The following PGPEP1L variants were observed in gnomAD, a reference collection of about 807,000 sequenced individuals.
PGPEP1L encodes the protein pyroglutamyl-peptidase I like.
In PGPEP1L, 7 loss-of-function variants were observed where a neutral mutation model predicts 6.0. The observed-to-expected ratio is 1.17, with a 90% confidence interval of 0.66 to 2.19. PGPEP1L has a LOEUF of 2.19. PGPEP1L is among the 30% of genes most tolerant of loss of function. The probability of loss-of-function intolerance (pLI) is 0.00; values close to 1 mark genes in which losing one functional copy is unlikely to be tolerated. For synonymous variants in PGPEP1L, 103 were observed against 83.9 expected (o/e 1.23, Z -1.24); for missense variants, 209 against 192.5 (o/e 1.09, Z -0.51).
At chr15:99,000,972 C>T (rs1285910989) in intron 2 of PGPEP1L, among the ~76,000 whole-genome samples, 1 of 152,158 alleles carries the variant, frequency 6.6e-6, no homozygotes, top group Non-Finnish European at 1.5e-5. Context: ...TCTCCAGTTT[C>T]ACTCCTGAAA....
At position 98,969,586 on chromosome 15, in the gene PGPEP1L, G is replaced by T. The variant is rs1555469977; in HGVS notation, c.48C>A (p.Asn16Lys). ...GGATGTCGGCGTCCCGGTAGCCTTG[G>T]TTCTTGCCAGACTGTTCCAGAATGA... The part of the protein sequence containing the change: ...KAIILEQSGK[N>K]QGYRDADIRS... The change falls in exon 4 of 5, where the codon AAC becomes AAA. Residue 16 changes from asparagine (N) to lysine (K), a missense_variant. Physicochemically the swap from Asn to Lys is moderately conservative, Grantham distance 94. Coordinates refer to ENST00000535714, the MANE Select transcript of PGPEP1L (RefSeq NM_001167902.2). 6.2e-7 allele frequency: 1 copy of T among 1,613,790 alleles called. No individual in the cohort carries two copies. The highest frequency in any genetic ancestry group is 8.5e-7 in the Non-Finnish European group (1 of 1,179,904).
At chr15:98,979,986 G>C (rs979782259) in intron 2 of PGPEP1L, among the ~76,000 whole-genome samples, 1 of 152,126 alleles carries the variant, frequency 6.6e-6, no homozygotes, top group African/African-American at 2.4e-5. Context: ...TAAGCTATGA[G>C]GATGCAAAGG....
At chr15:99,003,677 C>G (rs1231505128) in intron 2 of PGPEP1L, among the ~76,000 whole-genome samples, 1 of 149,924 alleles carries the variant, frequency 6.7e-6, no homozygotes, top group Non-Finnish European at 1.5e-5. Flanking sequence ...ATTTCTAACA[C>G]AGGAAGGCCA....
chr15:98,974,390 A>T (rs35025302), intron 2 of PGPEP1L, among the ~76,000 whole-genome samples: 34,841 of 151,776 alleles, frequency 0.23, 5,247 homozygotes, highest in Non-Finnish European at 0.35. Flanking sequence ...AAAAAAAATA[A>T]AAATAAAAAT....
chr15:98,998,523 T>C (rs1555472687), intron 2 of PGPEP1L, among the ~76,000 whole-genome samples: 2 of 152,166 alleles, frequency 1.3e-5, no homozygotes, highest in Admixed American at 6.5e-5. Context: ...CAATTGTTTG[T>C]TGACATAGGT....
intron 2 of PGPEP1L, among the ~76,000 whole-genome samples, chr15:98,987,459 A>C (rs1438345551): frequency 1.3e-5 from 2 of 150,006 alleles, no homozygotes; most frequent in African/African-American, 4.9e-5. Flanking sequence ...CCAGGACAGA[A>C]GTAAAGCCTG....
intron 2 of PGPEP1L, among the ~76,000 whole-genome samples, chr15:98,999,949 C>T (rs782621395): frequency 6.6e-6 from 1 of 152,252 alleles, no homozygotes; most frequent in Non-Finnish European, 1.5e-5. Flanking sequence ...ACTTTGGTGA[C>T]ACTTGAGGAG....
intron 2 of PGPEP1L, among the ~76,000 whole-genome samples, chr15:98,976,314 T>C (rs2017569168): frequency 1.3e-5 from 2 of 152,220 alleles, no homozygotes; most frequent in African/African-American, 4.8e-5. Context: ...ACTAAAAAGT[T>C]TGCTCTGAAC....
intron 2 of PGPEP1L, among the ~76,000 whole-genome samples, chr15:98,988,120 C>T (rs535441621): frequency 6.6e-6 from 1 of 152,230 alleles, no homozygotes; most frequent in Non-Finnish European, 1.5e-5. Flanking sequence ...CCAGTGGCAC[C>T]TGCAACACCA....
chr15:98,989,401 CAATG>C (rs548936483), intron 2 of PGPEP1L, among the ~76,000 whole-genome samples: 60 of 152,110 alleles, frequency 3.9e-4, no homozygotes, highest in African/African-American at 1.4e-3. Context: ...AAGATCAACT[CAATG>C]AAATAAAGTG....
intron 2 of PGPEP1L, among the ~76,000 whole-genome samples, chr15:98,973,934 G>A (rs1033836097): frequency 1.3e-5 from 2 of 152,100 alleles, no homozygotes; most frequent in African/African-American, 4.8e-5. Context: ...GGAACAAACA[G>A]AATCAACAAG....
At chr15:99,007,238 G>A (rs202111743) in intron 1 of PGPEP1L, 121 bp downstream of exon 1, 5,472 of 149,628 alleles carry the variant, frequency 0.037, 154 homozygotes, top group South Asian at 0.087. Flanking sequence ...GGATGCAGAG[G>A]ATTTTTGTAC....
intron 2 of PGPEP1L, among the ~76,000 whole-genome samples, chr15:98,981,267 C>T (rs935679746): frequency 2.3e-4 from 35 of 152,036 alleles, no homozygotes; most frequent in African/African-American, 7.2e-4. Context: ...CCGAGGCGGG[C>T]GGATCACGAG....
chr15:98,984,080 A>AG (rs1469430207), intron 2 of PGPEP1L, among the ~76,000 whole-genome samples: 2 of 137,516 alleles, frequency 1.5e-5, no homozygotes, highest in Non-Finnish European at 3.0e-5. Flanking sequence ...GCAGTGGCGC[A>AG]GCTCACTGCA....
chr15:98,979,351 C>T lies in PGPEP1L; in HGVS notation c.-141-8193G>A, dbSNP rs995359356. Reference sequence around the variant, plus strand: ...TTAAAACAAAAAAAAAACCAAAAAACACCTGGCTCTTTGCATCAATAAAAT... The same window carrying T: ...TTAAAACAAAAAAAAAACCAAAAAATACCTGGCTCTTTGCATCAATAAAAT... On this transcript the variant is annotated intron_variant, in intron 2 of 4. Transcript: ENST00000535714. 4.0e-5 allele frequency among the ~76,000 whole-genome samples: 6 copies of T among 151,190 alleles called. No individual in the cohort carries two copies. The South Asian group carries it at 8.3e-4, about 21-fold the overall frequency.
rs113111073 is a variant in PGPEP1L, at chr15:98,996,091, A to G, written c.-142+9338T>C. ...TTCAGTCTTTTTGCTTACTTTTGTGATTCTATCTTTAAGTATTTCATATGT... is the reference window on the plus strand; with the variant it reads ...TTCAGTCTTTTTGCTTACTTTTGTGGTTCTATCTTTAAGTATTTCATATGT... On this transcript the variant is annotated intron_variant, in intron 2 of 4. Coordinates refer to ENST00000535714, the MANE Select transcript of PGPEP1L (RefSeq NM_001167902.2). 7.5e-3 allele frequency among the ~76,000 whole-genome samples: 1,135 copies of G among 151,936 alleles called. 16 individuals are homozygous for G. The highest frequency in any genetic ancestry group is 0.026 in the African/African-American group (1,078 of 41,422).
At chr15:98,983,799 A>G (rs182596695) in intron 2 of PGPEP1L, among the ~76,000 whole-genome samples, 1 of 152,250 alleles carries the variant, frequency 6.6e-6, no homozygotes, top group East Asian at 1.9e-4. Flanking sequence ...AACTTTTAGC[A>G]TGTATAATAA....
At chr15:99,003,065 G>A (rs868919121) in intron 2 of PGPEP1L, among the ~76,000 whole-genome samples, 18 of 152,092 alleles carry the variant, frequency 1.2e-4, no homozygotes, top group Middle Eastern at 3.4e-3. Flanking sequence ...CTGAGGGAAT[G>A]AAACAGTTTT....
In PGPEP1L at chr15:99,007,520, G is replaced by A. The variant is rs1390675350; in HGVS notation, c.-531C>T. 7 of 152,172 alleles carry A rather than the reference G, an allele frequency of 4.6e-5. No individual in the cohort carries two copies. Among genetic ancestry groups the A allele is most frequent in the Non-Finnish European group, 7.3e-5 (5 of 68,068 alleles). 9.4% of individuals were successfully genotyped at this position (152,172 alleles called of 1,614,324 possible). Reference sequence around the variant, plus strand: ...CATGTGTTCGGAGTTTCTTCCTTCTGGCAGATTCGTGATCTCGCTGACTTC... The same window carrying A: ...CATGTGTTCGGAGTTTCTTCCTTCTAGCAGATTCGTGATCTCGCTGACTTC... On this transcript the variant is annotated 5_prime_UTR_variant, in exon 1 of 5. Coordinates refer to ENST00000535714, the MANE Select transcript of PGPEP1L (RefSeq NM_001167902.2).
Sources: gnomAD v4.1 joint callset for allele counts (sites outside exome capture counted in the v4.1 genomes callset) on GRCh38, gnomAD v4.1.1 for gene constraint, MANE v1.5 for transcripts, NCBI Gene and HGNC (gene_info 2026-07-23, HGNC 2026-07-21) for gene names.